Variants in PARD3B observed in about 807,000 individuals in gnomAD.
PARD3B encodes par-3 family cell polarity regulator beta.
Under a neutral mutation model 130.2 loss-of-function variants are expected in PARD3B, and 103 were observed. The observed-to-expected ratio is 0.79, with a 90% CI of 0.67 to 0.93. The LOEUF (loss-of-function observed/expected upper bound fraction) is 0.93. PARD3B is among the 40% of genes least tolerant of loss of function. PARD3B has a pLI of 0.00. For synonymous variants in PARD3B, 583 were observed against 553.2 expected, an observed-to-expected ratio of 1.05 and a Z score of -0.76; for missense variants, 1,609 against 1,499.2, an observed-to-expected ratio of 1.07 and a Z score of -1.21.
At chr2:204,862,764 C>A (rs2045262303) in intron 2 of PARD3B, among the ~76,000 whole-genome samples, 1 of 152,154 alleles carries the variant, frequency 6.6e-6, no homozygotes, top group Non-Finnish European at 1.5e-5. Flanking sequence ...TTAGTTTAAA[C>A]CAGGTTCTTG....
intron 20 of PARD3B, among the ~76,000 whole-genome samples, chr2:205,495,669 C>T: frequency 6.6e-6 from 1 of 152,076 alleles, no homozygotes; most frequent in East Asian, 1.9e-4. Context: ...TGTAGGCTAG[C>T]CTTCACTTCC....
At chr2:205,039,456 G>GTTTAT (rs1026781480) in intron 3 of PARD3B, among the ~76,000 whole-genome samples, 3 of 151,944 alleles carry the variant, frequency 2.0e-5, no homozygotes, top group African/African-American at 7.3e-5. Context: ...CTGATGGACA[G>GTTTAT]TTTATTTTAT....
chr2:205,004,396 A>C (rs1695089619), intron 3 of PARD3B, among the ~76,000 whole-genome samples: 1 of 152,210 alleles, frequency 6.6e-6, no homozygotes, highest in Non-Finnish European at 1.5e-5. Flanking sequence ...TAGAAAAATA[A>C]GGTTTTGTTA....
At chr2:204,596,512 C>T (rs1574519416) in intron 1 of PARD3B, among the ~76,000 whole-genome samples, 2 of 152,208 alleles carry the variant, frequency 1.3e-5, no homozygotes, top group East Asian at 3.9e-4. Context: ...CTTAGAGGGA[C>T]CTTCTTTTGC....
intron 19 of PARD3B, among the ~76,000 whole-genome samples, chr2:205,426,503 ATAC>A (rs1337354700): frequency 1.3e-5 from 2 of 152,304 alleles, no homozygotes; most frequent in Admixed American, 1.3e-4. Flanking sequence ...TCTTTTAATG[ATAC>A]TACTTCTTTT....
intron 18 of PARD3B, among the ~76,000 whole-genome samples, chr2:205,355,340 C>G (rs532596249): frequency 6.6e-6 from 1 of 152,184 alleles, no homozygotes; most frequent in Non-Finnish European, 1.5e-5. Context: ...AAGTTTTGAA[C>G]CATGATGCAT....
chr2:204,835,979 TCCATTTATTGACACC>T (rs2044017573), intron 2 of PARD3B, among the ~76,000 whole-genome samples: 1 of 152,220 alleles, frequency 6.6e-6, no homozygotes, highest in African/African-American at 2.4e-5. Context: ...GCATCTGTAC[TCCATTTATTGACACC>T]CCATTTAAAA....
chr2:204,561,684 C>T (rs1399251333), intron 1 of PARD3B, among the ~76,000 whole-genome samples: 1 of 151,688 alleles, frequency 6.6e-6, no homozygotes, highest in African/African-American at 2.4e-5. Context: ...CAACCTCCGC[C>T]TCCAGGGTTC....
At chr2:204,655,223 C>T (rs1350161069) in intron 1 of PARD3B, among the ~76,000 whole-genome samples, 1 of 152,154 alleles carries the variant, frequency 6.6e-6, no homozygotes, top group Non-Finnish European at 1.5e-5. Context: ...AAACTCTGTC[C>T]ATTTTTAAGC....
At chr2:205,123,351 C>G (rs917935391) in intron 8 of PARD3B, among the ~76,000 whole-genome samples, 1 of 152,036 alleles carries the variant, frequency 6.6e-6, no homozygotes, top group Non-Finnish European at 1.5e-5. Context: ...AGGATCTGGA[C>G]TGGAGAGGGA....
intron 18 of PARD3B, among the ~76,000 whole-genome samples, chr2:205,347,081 T>C (rs1574766869): frequency 6.6e-6 from 1 of 152,350 alleles, no homozygotes; most frequent in Middle Eastern, 3.4e-3. Flanking sequence ...AAAACACTTC[T>C]CCAAATTGGT....
chr2:205,271,542 T>G (rs549243172), intron 16 of PARD3B, among the ~76,000 whole-genome samples: 1 of 152,360 alleles, frequency 6.6e-6, no homozygotes, highest in South Asian at 2.1e-4. Flanking sequence ...ATGAGATAAC[T>G]ATTACTCTAA....
At chr2:205,226,018 G>C (rs983919703) in intron 15 of PARD3B, among the ~76,000 whole-genome samples, 1 of 152,042 alleles carries the variant, frequency 6.6e-6, no homozygotes, top group Non-Finnish European at 1.5e-5. Flanking sequence ...TTTATGAGAC[G>C]AATTCTCATT....
chr2:205,344,022 G>A (rs1290642996), intron 18 of PARD3B, among the ~76,000 whole-genome samples: 1 of 152,140 alleles, frequency 6.6e-6, no homozygotes, highest in Non-Finnish European at 1.5e-5. Context: ...TTTTCTTAGT[G>A]ACAGCAGAAA....
intron 3 of PARD3B, among the ~76,000 whole-genome samples, chr2:204,997,974 A>ATG (rs1694374929): frequency 6.7e-6 from 1 of 149,284 alleles, no homozygotes; most frequent in Non-Finnish European, 1.5e-5. Context: ...ATATATATAT[A>ATG]TGTGCATATA....
intron 2 of PARD3B, among the ~76,000 whole-genome samples, chr2:204,835,340 A>C (rs979614298): frequency 1.3e-5 from 2 of 152,186 alleles, no homozygotes; most frequent in Non-Finnish European, 2.9e-5. Flanking sequence ...CCTTACTGAG[A>C]TATCACTGAA....
In PARD3B at chr2:204,925,058, G is replaced by A. The variant is rs7568881; in HGVS notation, c.223-40094G>A. Among the ~76,000 whole-genome samples the A allele has an allele frequency of 3.8e-3, 578 of 150,762 alleles. 3 individuals carry two copies. The highest frequency in any genetic ancestry group is 0.013 in the African/African-American group (519 of 41,238). Reference sequence around the variant, plus strand: ...GTATATAAATATATGTGTATATACAGGTATCTATGTATATAAGATATATAT... The same window carrying A: ...GTATATAAATATATGTGTATATACAAGTATCTATGTATATAAGATATATAT... On this transcript the variant is annotated intron_variant, in intron 2 of 22. Coordinates refer to ENST00000406610, the MANE Select transcript of PARD3B (RefSeq NM_001302769.2).
At chr2:204,968,846 A>G (rs953940116) in intron 3 of PARD3B, among the ~76,000 whole-genome samples, 1 of 152,258 alleles carries the variant, frequency 6.6e-6, no homozygotes, top group African/African-American at 2.4e-5. Context: ...CTCATGCCCT[A>G]TAAGCTGATG....
At chr2:205,324,583 T>C (rs757752117) in intron 18 of PARD3B, among the ~76,000 whole-genome samples, 1 of 152,166 alleles carries the variant, frequency 6.6e-6, no homozygotes, top group Non-Finnish European at 1.5e-5. Context: ...AATTGTTTCA[T>C]TTCCACCTAG....
Sources: gnomAD v4.1 joint callset for allele counts (sites outside exome capture counted in the v4.1 genomes callset) on GRCh38, gnomAD v4.1.1 for gene constraint, MANE v1.5 for transcripts, NCBI Gene and HGNC (gene_info 2026-07-23, HGNC 2026-07-21) for gene names.